CALN1: variants seen among roughly 807,000 people sequenced by gnomAD.
CALN1 encodes the protein calneuron 1.
In CALN1, 17 loss-of-function variants were observed where a neutral mutation model predicts 30.6. That is an observed-to-expected ratio of 0.56 (90% CI 0.38 to 0.83). CALN1 has a LOEUF of 0.83. Among genes scored for constraint, CALN1 ranks in the 40% least tolerant of loss-of-function variants. CALN1 has a pLI of 0.00. For missense variants in CALN1, 291 were observed against 354.9 expected (o/e 0.82, Z 1.45); for synonymous variants, 156 against 131.4 (o/e 1.19, Z -1.28).
At chr7:72,387,279 AG>A (rs1349229527) in intron 2 of CALN1, among the ~76,000 whole-genome samples, 782 of 16,498 alleles carry the variant, frequency 0.047, 81 homozygotes, top group African/African-American at 0.14. Context: ...GGAGGAAGGG[AG>A]GGAGGGAGGG....
intron 5 of CALN1, among the ~76,000 whole-genome samples, chr7:71,962,016 G>A (rs1797271016): frequency 6.6e-6 from 1 of 152,000 alleles, no homozygotes. Context: ...CCTACCCTAT[G>A]TCCATCATCT....
chr7:72,288,718 T>G (rs1798268253), intron 2 of CALN1, among the ~76,000 whole-genome samples: 1 of 152,216 alleles, frequency 6.6e-6, no homozygotes, highest in Non-Finnish European at 1.5e-5. Context: ...CTCATTCAAT[T>G]TCTTCTGCTA....
intron 2 of CALN1, among the ~76,000 whole-genome samples, chr7:72,391,503 A>C (rs1269147721): frequency 3.9e-5 from 6 of 152,148 alleles, no homozygotes; most frequent in African/African-American, 1.4e-4. Context: ...TAGTTTTAAA[A>C]TATGGCCCCT....
In CALN1 at chr7:72,184,939, AC is replaced by A. The variant is rs1233506794; in HGVS notation, c.245-78646del. Among the ~76,000 whole-genome samples the A allele has an allele frequency of 4.6e-5, 7 of 152,126 alleles. No individual in the cohort carries two copies. In the East Asian group the frequency reaches 9.7e-4, roughly 21 times the overall value. On this transcript the variant is annotated intron_variant, in intron 3 of 6. Transcript: ENST00000395275. ...CTTGAGTAGCTGGGACTACAGGTGC[AC>A]ATCAACAAGCCCGGCTAATTTTTAT...
intron 4 of CALN1, among the ~76,000 whole-genome samples, chr7:72,030,065 C>A (rs1801336727): frequency 6.6e-6 from 1 of 152,150 alleles, no homozygotes; most frequent in Non-Finnish European, 1.5e-5. Flanking sequence ...TAGATAGTAA[C>A]AGATAGTAAC....
intron 5 of CALN1, among the ~76,000 whole-genome samples, chr7:72,017,071 T>A (rs1278716083): frequency 3.0e-5 from 4 of 134,488 alleles, no homozygotes; most frequent in African/African-American, 1.2e-4. Flanking sequence ...GGCTGAAGCA[T>A]GAGAATCACT....
intron 5 of CALN1, among the ~76,000 whole-genome samples, chr7:71,973,969 G>A (rs991921789): frequency 9.2e-5 from 14 of 152,184 alleles, no homozygotes; most frequent in African/African-American, 3.4e-4. Flanking sequence ...GGGATGTGCT[G>A]TAATAAAGCC....
chr7:72,013,137 C>T (rs895443430), intron 5 of CALN1, among the ~76,000 whole-genome samples: 2 of 152,086 alleles, frequency 1.3e-5, no homozygotes, highest in African/African-American at 4.8e-5. Flanking sequence ...CTCCATTTAC[C>T]ATAACCATGG....
intron 4 of CALN1, among the ~76,000 whole-genome samples, chr7:72,083,587 A>AAAAAAT (rs1226937158): frequency 2.0e-5 from 3 of 152,106 alleles, no homozygotes; most frequent in East Asian, 1.9e-4. Context: ...TCATCTATAA[A>AAAAAAT]AAAAATAAAA....
At chr7:72,212,582 G>A (rs937707684) in intron 3 of CALN1, among the ~76,000 whole-genome samples, 2 of 150,774 alleles carry the variant, frequency 1.3e-5, no homozygotes, top group Non-Finnish European at 2.9e-5. Context: ...TGCTTTAGGA[G>A]GCTGACAGGA....
At chr7:71,978,262 C>CTCTTT (rs1173448154) in intron 5 of CALN1, among the ~76,000 whole-genome samples, 1 of 72,950 alleles carries the variant, frequency 1.4e-5, no homozygotes, top group Admixed American at 1.6e-4. Context: ...CTAGAGAATT[C>CTCTTT]TTTTTTTTTT....
intron 2 of CALN1, among the ~76,000 whole-genome samples, chr7:72,356,520 G>A (rs769070863): frequency 2.4e-4 from 37 of 151,712 alleles, no homozygotes; most frequent in Non-Finnish European, 4.7e-4. Context: ...CGGTCTCTAG[G>A]GATATCACTA....
At chr7:72,151,298 G>C (rs1787225819) in intron 3 of CALN1, among the ~76,000 whole-genome samples, 1 of 152,056 alleles carries the variant, frequency 6.6e-6, no homozygotes, top group Non-Finnish European at 1.5e-5. Context: ...TCCTTGGCTT[G>C]TAGATCTCTG....
chr7:72,404,821 G>A (rs942909798), intron 1 of CALN1, among the ~76,000 whole-genome samples: 36 of 152,202 alleles, frequency 2.4e-4, no homozygotes, highest in Non-Finnish European at 2.9e-5. Context: ...CATTATTGTT[G>A]CAGGTTGTTG....
chr7:71,990,081 G>A (rs1277328792), intron 5 of CALN1, among the ~76,000 whole-genome samples: 2 of 152,108 alleles, frequency 1.3e-5, no homozygotes, highest in East Asian at 1.9e-4. Context: ...TGAGATTGGA[G>A]TTTGGCACAA....
chr7:72,315,031 G>T (rs1369588075), intron 2 of CALN1, among the ~76,000 whole-genome samples: 1 of 151,516 alleles, frequency 6.6e-6, no homozygotes, highest in African/African-American at 2.4e-5. Flanking sequence ...CACACCTGTG[G>T]TCCCAGCTAC....
intron 2 of CALN1, among the ~76,000 whole-genome samples, chr7:72,396,235 T>TAAAAAAAAAAAAAA (rs55683543): frequency 1.6e-3 from 84 of 53,242 alleles, no homozygotes; most frequent in Non-Finnish European, 2.0e-3. Context: ...TTGTCTCTAC[T>TAAAAAAAAAAAAAA]AAAAAAAAAA....
intron 2 of CALN1, among the ~76,000 whole-genome samples, chr7:72,393,011 T>G (rs1329841030): frequency 1.3e-5 from 2 of 151,540 alleles, no homozygotes; most frequent in African/African-American, 4.9e-5. Flanking sequence ...AAAAAAAAAT[T>G]AATACAAACA....
chr7:71,879,743 G>T (rs1488333985), intron 5 of CALN1, among the ~76,000 whole-genome samples: 1 of 152,124 alleles, frequency 6.6e-6, no homozygotes, highest in African/African-American at 2.4e-5. Context: ...TGCAAAGAAG[G>T]ACCAAAAGGA....
Sources: allele counts gnomAD v4.1 joint callset (sites outside exome capture counted in the v4.1 genomes callset), GRCh38; gene constraint gnomAD v4.1.1; transcripts MANE v1.5; gene names NCBI Gene and HGNC (gene_info 2026-07-23, HGNC 2026-07-21).